Variants in FOLH1 observed in about 807,000 individuals in gnomAD.
FOLH1 encodes the protein folate hydrolase 1.
A neutral mutation model predicts 93.9 loss-of-function variants in FOLH1; 54 were observed. The ratio of observed to expected loss-of-function variants is 0.57; its 90% confidence interval spans 0.46 to 0.72. The LOEUF (loss-of-function observed/expected upper bound fraction) is 0.72, where lower values mean the gene tolerates loss of function less well. Among genes scored for constraint, FOLH1 ranks in the 30% least tolerant of loss-of-function variants. FOLH1 has a pLI of 0.00. For missense variants in FOLH1, 571 were observed against 892.5 expected, an observed-to-expected ratio of 0.64 and a Z score of 4.59; for synonymous variants, 249 against 303.6, an observed-to-expected ratio of 0.82 and a Z score of 1.87.
intron 17 of FOLH1, among the ~76,000 whole-genome samples, chr11:49,151,411 CGT>C (rs1856498722): frequency 6.8e-6 from 1 of 148,126 alleles, no homozygotes; most frequent in African/African-American, 2.5e-5. Context: ...CGTGCGCGTG[CGT>C]GCACACACAC....
At chr11:49,153,557 A>G (rs892402541) in intron 17 of FOLH1, among the ~76,000 whole-genome samples, 2 of 152,136 alleles carry the variant, frequency 1.3e-5, no homozygotes, top group African/African-American at 4.8e-5. Flanking sequence ...TCTGAGCGGC[A>G]CAATTGCCAC....
chr11:49,198,480 T>A (rs1416862184), intron 3 of FOLH1, among the ~76,000 whole-genome samples: 1 of 115,208 alleles, frequency 8.7e-6, no homozygotes, highest in Non-Finnish European at 1.7e-5. Context: ...AGACTCCGTC[T>A]CAAAAAAAAC....
intron 1 of FOLH1, chr11:49,206,812 G>A (rs1156603510): frequency 2.6e-6 from 4 of 1,534,994 alleles, no homozygotes; most frequent in Non-Finnish European, 3.5e-6. Context: ...TGCACGCATA[G>A]GCGGCCAGAA....
chr11:49,157,673 C>T (rs560131531), intron 14 of FOLH1, among the ~76,000 whole-genome samples: 11 of 152,004 alleles, frequency 7.2e-5, no homozygotes, highest in Admixed American at 2.6e-4. Context: ...TCTCATCCCA[C>T]GCATTTCATA....
chr11:49,146,960 G>A lies in FOLH1; in HGVS notation c.2064-15C>T, dbSNP rs149464210. ...AGATGACATGCCTGTTGATAAAATCGTTTGCTGTTTATTAGGTGCCCAAAT... is the reference window on the plus strand; with the variant it reads ...AGATGACATGCCTGTTGATAAAATCATTTGCTGTTTATTAGGTGCCCAAAT... On this transcript the variant is annotated splice_polypyrimidine_tract_variant and intron_variant, in intron 18 of 18. Transcript: ENST00000256999. The A allele has an allele frequency of 0.028, 44,687 of 1,602,412 alleles. 765 individuals carry two copies. The highest frequency in any genetic ancestry group is 0.036 in the African/African-American group (2,677 of 74,616).
intron 4 of FOLH1, among the ~76,000 whole-genome samples, chr11:49,192,111 A>C (rs1176375421): frequency 1.3e-5 from 2 of 152,092 alleles, no homozygotes; most frequent in Non-Finnish European, 2.9e-5. Flanking sequence ...TTTTAAATTA[A>C]ATTTATTCAT....
chr11:49,200,269 C>T lies in FOLH1; in HGVS notation c.397G>A (p.Glu133Lys), dbSNP rs1449010926. 3 of 1,559,772 alleles carry T rather than the reference C, an allele frequency of 1.9e-6. No homozygotes were observed. The highest frequency in any genetic ancestry group is 2.8e-5 in the African/African-American group (2 of 72,460). ...THPNYISIIN[E>K]DGNEIFNTSL... is the part of the protein sequence containing the mutation. ...TTATTTTTTACCTCATTTCCATCTT[C>T]ATTAATTATTGAGATGTAGTTGGGA... is the stretch of plus-strand genomic sequence containing the variant. Residue 133 changes from glutamate to lysine, a missense_variant, in exon 3 of 19, where the codon GAA becomes AAA. By Grantham distance (56) the Glu-to-Lys change is moderately conservative. Around this residue, in one of 2 missense-constraint regions of FOLH1, gnomAD observed 500 missense variants for 822.9 expected, o/e 0.61. Coordinates refer to ENST00000256999, the MANE Select transcript of FOLH1 (RefSeq NM_004476.3).
chr11:49,173,998 C>A (rs765261869), intron 9 of FOLH1, among the ~76,000 whole-genome samples: 139 of 152,248 alleles, frequency 9.1e-4, no homozygotes, highest in Non-Finnish European at 1.7e-3. Flanking sequence ...GAGGGAATTT[C>A]TTTGCCTACC....
chr11:49,170,279 A>T (rs915949086), intron 11 of FOLH1, among the ~76,000 whole-genome samples: 12 of 152,230 alleles, frequency 7.9e-5, no homozygotes, highest in African/African-American at 2.9e-4. Flanking sequence ...AGCATAATTT[A>T]ACATAGAGCA....
At chr11:49,176,057 C>G in intron 7 of FOLH1, 100 bp from the exon 8 acceptor site, 1 of 1,049,660 alleles carries the variant, frequency 9.5e-7, no homozygotes, top group Non-Finnish European at 1.5e-6. Context: ...CTCATAATAT[C>G]TTTAATGAGT....
chr11:49,193,941 C>T (rs1451683997), intron 3 of FOLH1, among the ~76,000 whole-genome samples: 6 of 151,814 alleles, frequency 4.0e-5, no homozygotes, highest in Non-Finnish European at 7.4e-5. Flanking sequence ...GGGTGGATCA[C>T]GAGGTCAGGA....
At chr11:49,188,137 T>G (rs1462581050) in intron 4 of FOLH1, among the ~76,000 whole-genome samples, 5 of 152,208 alleles carry the variant, frequency 3.3e-5, no homozygotes, top group Non-Finnish European at 7.3e-5. Context: ...CAAATTTCCT[T>G]GAATCAGTAT....
At chr11:49,174,394 T>A (rs1439812241) in intron 9 of FOLH1, among the ~76,000 whole-genome samples, 2 of 152,148 alleles carry the variant, frequency 1.3e-5, no homozygotes, top group Non-Finnish European at 2.9e-5. Flanking sequence ...AATCAGTAGA[T>A]CATCTGAACT....
At chr11:49,202,847 G>A (rs182218593) in intron 2 of FOLH1, among the ~76,000 whole-genome samples, 1 of 152,240 alleles carries the variant, frequency 6.6e-6, no homozygotes, top group Admixed American at 6.5e-5. Context: ...AGTGAGCTAT[G>A]ATTGTGCCAC....
chr11:49,185,061 C>G (rs970420831), intron 6 of FOLH1, among the ~76,000 whole-genome samples: 5 of 152,164 alleles, frequency 3.3e-5, no homozygotes, highest in African/African-American at 1.2e-4. Context: ...TTAGGAAACA[C>G]TCTTTGAAAG....
Position 49,185,764 on chromosome 11 carries a change from T to A in FOLH1, c.731A>T (p.Asp244Val). 6.2e-7 allele frequency: 1 copy of A among 1,612,376 alleles called. No individual in the cohort carries two copies. Among genetic ancestry groups the A allele is most frequent in the Non-Finnish European group, 8.5e-7 (1 of 1,179,300 alleles). ...ACCACCTCCAGGAAGATTCCAACCA[T>A]CTGGATAGGACTTCACCCCAGGAGC... ...YFAPGVKSYP[D>V]GWNLPGGGVQ... The change falls in exon 6 of 19, where the codon GAT (aspartate) becomes GTT (valine). Residue 244 changes from aspartate (D) to valine (V), a missense_variant. By Grantham distance (152) the Asp-to-Val change is radical. Coordinates refer to ENST00000256999, the MANE Select transcript of FOLH1 (RefSeq NM_004476.3).
chr11:49,186,389 C>A (rs1565190864), intron 5 of FOLH1, among the ~76,000 whole-genome samples: 1 of 152,080 alleles, frequency 6.6e-6, no homozygotes, highest in Non-Finnish European at 1.5e-5. Flanking sequence ...TCTTTGTAGG[C>A]CACAGCCATA....
chr11:49,178,619 G>A (rs1365953355), intron 7 of FOLH1, among the ~76,000 whole-genome samples: 1 of 151,900 alleles, frequency 6.6e-6, no homozygotes, highest in African/African-American at 2.4e-5. Context: ...TTTCTCTTTA[G>A]GTTCTCTTTA....
At chr11:49,177,114 A>T (rs1202174766) in intron 7 of FOLH1, among the ~76,000 whole-genome samples, 1 of 152,238 alleles carries the variant, frequency 6.6e-6, no homozygotes, top group Non-Finnish European at 1.5e-5. Context: ...TCTACTGCAC[A>T]TGCAATAAGG....
Sources: allele counts gnomAD v4.1 joint callset (sites outside exome capture counted in the v4.1 genomes callset), GRCh38; gene constraint gnomAD v4.1.1; regional missense constraint gnomAD v4.1.1; transcripts MANE v1.5; gene names NCBI Gene and HGNC (gene_info 2026-07-23, HGNC 2026-07-21).